Variants in GAS7 observed in about 807,000 individuals in gnomAD.
The protein encoded by GAS7 is growth arrest-specific protein 7.
A neutral mutation model predicts 71.1 loss-of-function variants in GAS7; 28 were observed. The observed-to-expected ratio is 0.39, with a 90% confidence interval of 0.29 to 0.54. The LOEUF is 0.54. GAS7 is among the 20% of genes least tolerant of loss of function. GAS7 has a pLI of 0.62. For missense variants in GAS7, 436 were observed against 627.8 expected (o/e 0.69, Z 3.27); for synonymous variants, 258 against 245.8 (o/e 1.05, Z -0.46).
chr17:10,158,772 A>G (rs1334640936), intron 1 of GAS7, among the ~76,000 whole-genome samples: 1 of 151,718 alleles, frequency 6.6e-6, no homozygotes, highest in African/African-American at 2.4e-5. Context: ...AAAGGTAAAG[A>G]GGCCAAGCAC....
At chr17:9,989,332 A>ATAT (rs951334331) in intron 2 of GAS7, among the ~76,000 whole-genome samples, 1 of 152,100 alleles carries the variant, frequency 6.6e-6, no homozygotes, top group Admixed American at 6.6e-5. Context: ...CTCAATATGA[A>ATAT]TATTATTATT....
intron 2 of GAS7, among the ~76,000 whole-genome samples, chr17:9,992,974 T>G (rs2070904313): frequency 1.3e-5 from 2 of 151,998 alleles, no homozygotes; most frequent in Admixed American, 1.3e-4. Context: ...ATGGTGTATA[T>G]GTGCCACATT....
rs2067602360 is a variant in GAS7, at chr17:9,916,979, C to G, written c.*249G>C. The G allele has an allele frequency of 1.8e-6, 1 of 547,804 alleles. No homozygotes were observed. The highest frequency in any genetic ancestry group is 1.9e-5 in the African/African-American group (1 of 53,366). The allele number at this position is 547,804 out of a possible 1,614,324, so 33.9% of individuals were successfully genotyped here. On this transcript the variant is annotated 3_prime_UTR_variant, in exon 14 of 14. Transcript: ENST00000432992. ...CCTCTGTTTGTTTCAGAGCGGCAAG[C>G]ACAGCATGGGAGTCAGGGGGTCTTC...
chr17:10,010,169 G>C (rs375625103), intron 2 of GAS7, among the ~76,000 whole-genome samples: 35 of 151,420 alleles, frequency 2.3e-4, no homozygotes, highest in African/African-American at 7.3e-4. Flanking sequence ...TTCTTTTTTG[G>C]GGGGGCGTCT....
chr17:10,052,852 C>G (rs1567570454), intron 1 of GAS7, among the ~76,000 whole-genome samples: 1 of 152,180 alleles, frequency 6.6e-6, no homozygotes. Context: ...CCGTGCACAG[C>G]CACACCTCAC....
chr17:10,031,105 G>A (rs1277324494), intron 1 of GAS7, among the ~76,000 whole-genome samples: 3 of 152,188 alleles, frequency 2.0e-5, no homozygotes, highest in African/African-American at 2.4e-5. Flanking sequence ...CCCAGCCATG[G>A]GCCTGAAGGC....
chr17:10,058,047 C>T (rs564724870), intron 1 of GAS7, among the ~76,000 whole-genome samples: 2 of 152,276 alleles, frequency 1.3e-5, no homozygotes, highest in African/African-American at 4.8e-5. Flanking sequence ...TGCTTGAAGG[C>T]AGCATGCTTG....
chr17:10,032,920 T>C (rs180975680), intron 1 of GAS7, among the ~76,000 whole-genome samples: 66 of 152,328 alleles, frequency 4.3e-4, no homozygotes, highest in African/African-American at 1.5e-3. Context: ...ATGAAATGCA[T>C]GCCCAAATCA....
intron 1 of GAS7, among the ~76,000 whole-genome samples, chr17:10,187,194 G>A (rs2074461795): frequency 6.6e-6 from 1 of 152,180 alleles, no homozygotes; most frequent in South Asian, 2.1e-4. Flanking sequence ...TAAGAACCAT[G>A]TGCTGTTTGA....
chr17:9,951,760 CAAAAAAAAA>C (rs59048492), intron 5 of GAS7, among the ~76,000 whole-genome samples: 11 of 69,016 alleles, frequency 1.6e-4, no homozygotes, highest in Non-Finnish European at 2.9e-4. Flanking sequence ...AACTCTGTCT[CAAAAAAAAA>C]AAAAAAAAAA....
At chr17:10,160,227 T>C (rs1330594151) in intron 1 of GAS7, among the ~76,000 whole-genome samples, 1 of 152,138 alleles carries the variant, frequency 6.6e-6, no homozygotes, top group Non-Finnish European at 1.5e-5. Context: ...TTCTTCTGTA[T>C]GTAGGTTACA....
intron 1 of GAS7, among the ~76,000 whole-genome samples, chr17:10,133,330 C>G (rs1234627174): frequency 6.6e-6 from 1 of 151,960 alleles, no homozygotes; most frequent in East Asian, 1.9e-4. Context: ...ACCATGTTGG[C>G]CAGGCTGGTC....
chr17:10,144,903 G>T (rs1439404012), intron 1 of GAS7, among the ~76,000 whole-genome samples: 1 of 152,206 alleles, frequency 6.6e-6, no homozygotes, highest in Non-Finnish European at 1.5e-5. Flanking sequence ...GGTAAGAACT[G>T]CATGGCAGGT....
chr17:10,039,753 T>C (rs2072827614), intron 1 of GAS7: 3 of 456,372 alleles, frequency 6.6e-6, no homozygotes, highest in South Asian at 4.6e-5. Context: ...ATGGCTCGTC[T>C]TGCGTTCAAT....
At chr17:10,185,375 C>G (rs1169917885) in intron 1 of GAS7, among the ~76,000 whole-genome samples, 1 of 152,196 alleles carries the variant, frequency 6.6e-6, no homozygotes, top group East Asian at 1.9e-4. Flanking sequence ...CAACTATGAT[C>G]ACTAGAGCAT....
At chr17:9,954,310 G>A (rs1237288710) in intron 5 of GAS7, among the ~76,000 whole-genome samples, 1 of 152,156 alleles carries the variant, frequency 6.6e-6, no homozygotes, top group African/African-American at 2.4e-5. Flanking sequence ...GCCAAGGTCT[G>A]TCCTGAAGGC....
At chr17:10,097,429 C>T (rs768288298) in intron 1 of GAS7, among the ~76,000 whole-genome samples, 1 of 152,224 alleles carries the variant, frequency 6.6e-6, no homozygotes, top group Non-Finnish European at 1.5e-5. Flanking sequence ...CACACAGCCA[C>T]ATTCCCAGGG....
At chr17:10,107,261 AAGGT>A (rs1408000653) in intron 1 of GAS7, among the ~76,000 whole-genome samples, 1 of 152,230 alleles carries the variant, frequency 6.6e-6, no homozygotes, top group African/African-American at 2.4e-5. Flanking sequence ...ATAACACTAC[AAGGT>A]GAAGTTCTAC....
At chr17:9,918,239 C>T (rs986568973) in intron 12 of GAS7, 140 bp from the exon 13 acceptor site, 5 of 622,706 alleles carry the variant, frequency 8.0e-6, no homozygotes, top group East Asian at 5.5e-5. Flanking sequence ...GAAGAGCGTG[C>T]CCCATATCTA....
Sources: gnomAD v4.1 joint callset for allele counts (sites outside exome capture counted in the v4.1 genomes callset) on GRCh38, gnomAD v4.1.1 for gene constraint, MANE v1.5 for transcripts, NCBI Gene and HGNC (gene_info 2026-07-23, HGNC 2026-07-21) for gene names.